Variants in PIK3AP1 observed in about 807,000 individuals in gnomAD.
PIK3AP1 encodes the protein phosphoinositide-3-kinase adaptor protein 1.
PIK3AP1 carries 21 observed loss-of-function variants against 88.1 expected under a neutral mutation model. The observed-to-expected ratio is 0.24, with a 90% CI of 0.17 to 0.34. The LOEUF (loss-of-function observed/expected upper bound fraction) is 0.34. Among genes scored for constraint, PIK3AP1 ranks in the 10% least tolerant of loss-of-function variants. PIK3AP1 has a pLI of 1.00. For missense variants in PIK3AP1, 828 were observed against 1,035.7 expected (o/e 0.80, Z 2.75); for synonymous variants, 398 against 400.0 (o/e 1.00, Z 0.06).
intron 7 of PIK3AP1, among the ~76,000 whole-genome samples, chr10:96,647,865 T>C (rs1440210340): frequency 6.6e-6 from 1 of 152,158 alleles, no homozygotes; most frequent in Admixed American, 6.5e-5. Context: ...CACGAGGGAC[T>C]GGGATCAGGA....
At chr10:96,604,573 G>T (rs1848969420) in intron 14 of PIK3AP1, among the ~76,000 whole-genome samples, 1 of 152,058 alleles carries the variant, frequency 6.6e-6, no homozygotes, top group Non-Finnish European at 1.5e-5. Flanking sequence ...ACTAACTTTG[G>T]CATTACTGCT....
chr10:96,629,174 T>C (rs1275045807), intron 8 of PIK3AP1, among the ~76,000 whole-genome samples: 2 of 151,898 alleles, frequency 1.3e-5, no homozygotes, highest in Non-Finnish European at 2.9e-5. Context: ...AAAAACATAA[T>C]GTTGAGTGAA....
chr10:96,646,551 G>A (rs528446833), intron 7 of PIK3AP1, among the ~76,000 whole-genome samples: 1 of 152,192 alleles, frequency 6.6e-6, no homozygotes, highest in South Asian at 2.1e-4. Flanking sequence ...ATTCAAATGA[G>A]CTGAACAGGA....
intron 10 of PIK3AP1, among the ~76,000 whole-genome samples, chr10:96,624,989 C>T (rs889686364): frequency 2.6e-5 from 4 of 152,150 alleles, no homozygotes; most frequent in African/African-American, 7.2e-5. Flanking sequence ...AAGCAGAACC[C>T]GAGACAAGGA....
At chr10:96,666,279 C>G (rs371584627) in intron 2 of PIK3AP1, among the ~76,000 whole-genome samples, 1 of 151,878 alleles carries the variant, frequency 6.6e-6, no homozygotes, top group African/African-American at 2.4e-5. Context: ...ATTAGCCGGG[C>G]GTGGTAGCAG....
At chr10:96,607,647 CT>C (rs1239262135) in intron 14 of PIK3AP1, among the ~76,000 whole-genome samples, 1 of 152,168 alleles carries the variant, frequency 6.6e-6, no homozygotes. Flanking sequence ...CAAACTGGAG[CT>C]TTTCCTTTTG....
Position 96,637,386 on chromosome 10 carries a change from C to T in PIK3AP1, c.1375+8087G>A, listed in dbSNP as rs1401887397. Among the ~76,000 whole-genome samples the T allele has an allele frequency of 3.3e-5, 5 of 150,836 alleles. No individual in the cohort carries two copies. The Admixed American group carries it at 3.3e-4, about 10-fold the overall frequency. On this transcript the variant is annotated intron_variant, in intron 8 of 16. Coordinates refer to ENST00000339364, the MANE Select transcript of PIK3AP1 (RefSeq NM_152309.3). The stretch of plus-strand genomic sequence containing the variant: ...GTGATAGTTATTTTATTTTTTGATT[C>T]AGGGTCCCACTCTGTCACCCAGGCT...
Position 96,623,575 on chromosome 10 carries a change from T to A in PIK3AP1, c.1670-38A>T, listed in dbSNP as rs371391110. 60 of 1,501,768 alleles carry A rather than the reference T, an allele frequency of 4.0e-5. No individual in the cohort carries two copies. The African/African-American group carries it at 5.7e-4, about 14-fold the overall frequency. The allele number at this position is 1,501,768 out of a possible 1,614,324, so 93.0% of individuals were successfully genotyped here. ...GAATATTCTGATTACTGAAAAAGTA[T>A]CAAAATCCAGTACAAAATAATAATA... is the stretch of plus-strand genomic sequence containing the variant. On this transcript the variant is annotated intron_variant, in intron 10 of 16. Coordinates refer to ENST00000339364, the MANE Select transcript of PIK3AP1 (RefSeq NM_152309.3).
intron 1 of PIK3AP1, among the ~76,000 whole-genome samples, chr10:96,717,187 G>C (rs1295479424): frequency 1.3e-5 from 2 of 151,426 alleles, no homozygotes; most frequent in African/African-American, 4.9e-5. Flanking sequence ...CAACCTGGGA[G>C]GCAGAGTTTG....
intron 2 of PIK3AP1, among the ~76,000 whole-genome samples, chr10:96,674,703 G>T (rs910868972): frequency 1.3e-5 from 2 of 152,216 alleles, no homozygotes; most frequent in African/African-American, 2.4e-5. Flanking sequence ...CCTCAGGGAG[G>T]ACCACTGTAA....
chr10:96,619,179 T>C (rs944201932), intron 12 of PIK3AP1, among the ~76,000 whole-genome samples: 1 of 152,202 alleles, frequency 6.6e-6, no homozygotes, highest in Non-Finnish European at 1.5e-5. Context: ...TATTTAACGC[T>C]GAGCACAATG....
At chr10:96,646,784 C>T (rs1167806239) in intron 7 of PIK3AP1, among the ~76,000 whole-genome samples, 1 of 152,188 alleles carries the variant, frequency 6.6e-6, no homozygotes, top group Admixed American at 6.5e-5. Context: ...CACTGCCATC[C>T]TGCCTCCATG....
At chr10:96,599,709 C>T (rs1273922815) in intron 16 of PIK3AP1, among the ~76,000 whole-genome samples, 1 of 152,110 alleles carries the variant, frequency 6.6e-6, no homozygotes, top group Non-Finnish European at 1.5e-5. Context: ...CTCAAATATC[C>T]CCGTATTTTA....
At position 96,648,761 on chromosome 10, in the gene PIK3AP1, G is replaced by C. The variant is rs766566195; in HGVS notation, c.1083C>G (p.Ala361=). 1 of 1,610,290 alleles carries C rather than the reference G, an allele frequency of 6.2e-7. No individual in the cohort carries two copies. The highest frequency in any genetic ancestry group is 1.3e-5 in the African/African-American group (1 of 74,806). The change falls in exon 7 of 17, where the codon GCC becomes GCG. Residue 361 remains alanine, a synonymous_variant. Transcript: ENST00000339364. ...LTALLLTCPG[A]LQAYSVANKH... ...TGTTGGCCACGCTGTACGCCTGCAG[G>C]GCTCCTGGGCAGGTGAGCAACAAGG...
chr10:96,652,828 G>A lies in PIK3AP1; in HGVS notation c.582C>T (p.Val194=), dbSNP rs781284864. The A allele has an allele frequency of 3.7e-6, 6 of 1,613,550 alleles. No homozygotes were observed. Among genetic ancestry groups the A allele is most frequent in the Non-Finnish European group, 4.2e-6 (5 of 1,179,980 alleles). The change falls in exon 4 of 17, where the codon GTC becomes GTT. Residue 194 remains valine (V), a synonymous_variant. Coordinates refer to ENST00000339364, the MANE Select transcript of PIK3AP1 (RefSeq NM_152309.3). ...CCAGCTTACATCTCACAATAACATA[G>A]ACAGTGGTTTCTGCCTGAAACGGGA... The part of the protein sequence containing the change: ...DRIRCGAETT[V]YVIVRCKLDD...
At chr10:96,666,383 T>C (rs1314412974) in intron 2 of PIK3AP1, among the ~76,000 whole-genome samples, 6 of 152,112 alleles carry the variant, frequency 3.9e-5, no homozygotes, top group African/African-American at 7.2e-5. Flanking sequence ...CGCACCATTG[T>C]ACTCCAGCCT....
Position 96,620,927 on chromosome 10 carries a change from G to A in PIK3AP1, c.1736-370C>T, listed in dbSNP as rs1038440184. 25 of 199,650 alleles carry A rather than the reference G, an allele frequency of 1.3e-4. No individual in the cohort carries two copies. In the South Asian group the frequency reaches 2.2e-3, roughly 17 times the overall value. The allele number at this position is 199,650 out of a possible 1,614,324, so 12.4% of individuals were successfully genotyped here. ...GTCTTCTGCTTAGAGACTCTGGTGT[G>A]GGTCTTGAGAGATGGTCAGTGAATT... On this transcript the variant is annotated intron_variant, in intron 11 of 16. Coordinates refer to ENST00000339364, the MANE Select transcript of PIK3AP1 (RefSeq NM_152309.3).
chr10:96,702,467 C>G (rs548075961), intron 2 of PIK3AP1, among the ~76,000 whole-genome samples: 83 of 151,268 alleles, frequency 5.5e-4, no homozygotes, highest in South Asian at 1.5e-3. Flanking sequence ...CCACTGCACT[C>G]CAGCCTGATG....
chr10:96,628,889 C>CACACACACATATAT (rs1554955372), intron 8 of PIK3AP1, among the ~76,000 whole-genome samples: 27 of 60,834 alleles, frequency 4.4e-4, no homozygotes, highest in African/African-American at 1.3e-3. Context: ...TATATATATA[C>CACACACACATATAT]ATATATATAT....
Sources: gnomAD v4.1 joint callset for allele counts (sites outside exome capture counted in the v4.1 genomes callset) on GRCh38, gnomAD v4.1.1 for gene constraint, MANE v1.5 for transcripts, NCBI Gene and HGNC (gene_info 2026-07-23, HGNC 2026-07-21) for gene names.